Variants in DGKG observed in about 807,000 individuals in gnomAD.
The protein encoded by DGKG is diacylglycerol kinase gamma, also known as DAG kinase gamma.
A neutral mutation model predicts 105.3 loss-of-function variants in DGKG; 78 were observed. That is an observed-to-expected ratio of 0.74 (90% confidence interval 0.62 to 0.89). DGKG has a LOEUF of 0.89. DGKG is among the 40% of genes least tolerant of loss of function. The probability of loss-of-function intolerance (pLI) is 0.00; values close to 1 mark genes in which losing one functional copy is unlikely to be tolerated. For missense variants in DGKG, 958 were observed against 1,020.1 expected (o/e 0.94, Z 0.83); for synonymous variants, 346 against 367.1 (o/e 0.94, Z 0.66).
At chr3:186,302,434 C>T (rs1009379083) in intron 3 of DGKG, among the ~76,000 whole-genome samples, 12 of 141,924 alleles carry the variant, frequency 8.5e-5, no homozygotes, top group Admixed American at 2.9e-4. Context: ...GAAGAAGACA[C>T]AGATTGGAAA....
intron 1 of DGKG, among the ~76,000 whole-genome samples, chr3:186,329,139 A>T (rs1271947823): frequency 3.3e-5 from 5 of 152,136 alleles, no homozygotes; most frequent in Non-Finnish European, 7.4e-5. Context: ...TGACAGAAAA[A>T]ATTGAATAGG....
chr3:186,282,990 C>T (rs1192022539), intron 7 of DGKG, among the ~76,000 whole-genome samples: 1 of 151,892 alleles, frequency 6.6e-6, no homozygotes, highest in Non-Finnish European at 1.5e-5. Context: ...CTCACTGCAA[C>T]CTCCACCTCC....
intron 22 of DGKG, among the ~76,000 whole-genome samples, chr3:186,182,257 G>A (rs1278263296): frequency 6.6e-6 from 1 of 152,244 alleles, no homozygotes; most frequent in Non-Finnish European, 1.5e-5. Context: ...CCGTAGTCAA[G>A]AGAGTGAAAT....
chr3:186,310,717 AC>A lies in DGKG; in HGVS notation c.68-3741del, dbSNP rs144891092. On this transcript the variant is annotated intron_variant, in intron 2 of 24. Transcript: ENST00000265022. ...CCTTTGTCAAAGCCTTTACCATAAT[AC>A]CAGCACTAGATTCAGAGGACACCTT... Among the ~76,000 whole-genome samples the A allele has an allele frequency of 1.6e-3, 250 of 152,314 alleles. 1 individual carries two copies. The highest frequency in any genetic ancestry group is 2.8e-3 in the Non-Finnish European group (193 of 68,030).
chr3:186,235,862 C>T (rs538602935), intron 20 of DGKG, among the ~76,000 whole-genome samples: 3 of 152,298 alleles, frequency 2.0e-5, no homozygotes, highest in African/African-American at 7.2e-5. Flanking sequence ...GGGCCACTTG[C>T]CTACCTGCCA....
At chr3:186,265,743 A>G (rs1722025421) in intron 13 of DGKG, among the ~76,000 whole-genome samples, 1 of 138,088 alleles carries the variant, frequency 7.2e-6, no homozygotes, top group Non-Finnish European at 1.5e-5. Context: ...GCTCACTGCA[A>G]GCTCCGCCTC....
intron 20 of DGKG, among the ~76,000 whole-genome samples, chr3:186,228,456 T>C (rs576677875): frequency 1.1e-4 from 17 of 152,246 alleles, no homozygotes; most frequent in African/African-American, 1.4e-4. Context: ...AGGTAAGCCA[T>C]TCCTTCATTA....
intron 1 of DGKG, among the ~76,000 whole-genome samples, chr3:186,353,561 GTATGTATATA>G (rs1399223376): frequency 1.9e-5 from 2 of 107,944 alleles, no homozygotes; most frequent in Admixed American, 8.6e-5. Flanking sequence ...ATACTTTTAT[GTATGTATATA>G]TATATATATA....
chr3:186,328,437 T>A (rs1725447405), intron 1 of DGKG, among the ~76,000 whole-genome samples: 1 of 152,202 alleles, frequency 6.6e-6, no homozygotes, highest in Non-Finnish European at 1.5e-5. Flanking sequence ...CTGAAGGAGC[T>A]GATGCTCCTG....
At chr3:186,337,484 T>C (rs975314858) in intron 1 of DGKG, among the ~76,000 whole-genome samples, 12 of 152,184 alleles carry the variant, frequency 7.9e-5, no homozygotes, top group African/African-American at 2.7e-4. Flanking sequence ...TCATGATGGC[T>C]ATCCTCCAAA....
intron 22 of DGKG, among the ~76,000 whole-genome samples, chr3:186,179,601 T>C (rs906944136): frequency 2.0e-5 from 3 of 152,194 alleles, no homozygotes; most frequent in Non-Finnish European, 2.9e-5. Flanking sequence ...GTAGAAAACA[T>C]CACAGTTTCT....
chr3:186,328,183 C>T (rs1404635085), intron 1 of DGKG, among the ~76,000 whole-genome samples: 1 of 152,174 alleles, frequency 6.6e-6, no homozygotes, highest in African/African-American at 2.4e-5. Flanking sequence ...ATTAAAAGGT[C>T]ACTTCTTTTC....
Position 186,149,918 on chromosome 3 carries a change from G to A in DGKG, c.*172C>T, listed in dbSNP as rs1009081574. Reference sequence around the variant, plus strand: ...GGTGTACCCACTGTTGAAACAGAATGTATGGCAAGGTGACGTTTTCTTCCC... The same window carrying A: ...GGTGTACCCACTGTTGAAACAGAATATATGGCAAGGTGACGTTTTCTTCCC... On this transcript the variant is annotated 3_prime_UTR_variant, in exon 25 of 25. Coordinates refer to ENST00000265022, the MANE Select transcript of DGKG (RefSeq NM_001346.3). 3.5e-6 allele frequency: 5 copies of A among 1,420,620 alleles called. No homozygotes were observed. The South Asian group carries it at 6.2e-5, about 18-fold the overall frequency. The allele number at this position is 1,420,620 out of a possible 1,614,324, so 88.0% of individuals were successfully genotyped here. A position where few individuals can be genotyped will look rare whatever the true frequency, so the allele number is the denominator to read the frequency against.
At chr3:186,353,639 T>G (rs1388889014) in intron 1 of DGKG, among the ~76,000 whole-genome samples, 1 of 139,572 alleles carries the variant, frequency 7.2e-6, no homozygotes, top group African/African-American at 3.0e-5. Context: ...TATATCTATA[T>G]CTATATCTAT....
At position 186,176,792 on chromosome 3, in the gene DGKG, CT is replaced by C. The variant is rs1717102224; in HGVS notation, c.2095+11409del. ...GATCCAAGTAAGTGATTAACACATG[CT>C]GGATAAATAGACCTGAGGATGAAAA... On this transcript the variant is annotated intron_variant, in intron 22 of 24. Transcript: ENST00000265022. Among the ~76,000 whole-genome samples the C allele has an allele frequency of 2.0e-5, 3 of 152,182 alleles. No homozygotes were observed. In the South Asian group the frequency reaches 6.2e-4, roughly 31 times the overall value.
chr3:186,232,027 C>T (rs1720176222), intron 20 of DGKG, among the ~76,000 whole-genome samples: 1 of 152,190 alleles, frequency 6.6e-6, no homozygotes, highest in Non-Finnish European at 1.5e-5. Context: ...TTTTGAGATA[C>T]AGCAAAACTA....
At chr3:186,285,213 A>G (rs1177583117) in intron 6 of DGKG, among the ~76,000 whole-genome samples, 2 of 152,236 alleles carry the variant, frequency 1.3e-5, no homozygotes, top group African/African-American at 4.8e-5. Context: ...TCCTAGGATT[A>G]TTATGAAGAT....
intron 2 of DGKG, among the ~76,000 whole-genome samples, chr3:186,308,388 G>A (rs1179527957): frequency 6.6e-6 from 1 of 152,030 alleles, no homozygotes; most frequent in African/African-American, 2.4e-5. Context: ...CAATATTGTG[G>A]GTAATTAAGA....
intron 22 of DGKG, among the ~76,000 whole-genome samples, chr3:186,178,119 C>A (rs1031651128): frequency 6.6e-6 from 1 of 152,192 alleles, no homozygotes; most frequent in Non-Finnish European, 1.5e-5. Flanking sequence ...ACCAAGAGTG[C>A]TTGTGGCTTG....
Sources: allele counts gnomAD v4.1 joint callset (sites outside exome capture counted in the v4.1 genomes callset), GRCh38; gene constraint gnomAD v4.1.1; transcripts MANE v1.5; gene names NCBI Gene and HGNC (gene_info 2026-07-23, HGNC 2026-07-21).